Variants in ZC3H18 observed in about 807,000 individuals in gnomAD.
ZC3H18 encodes the protein zinc finger CCCH domain-containing protein 18.
A neutral mutation model predicts 106.1 loss-of-function variants in ZC3H18; 8 were observed. The observed-to-expected ratio is 0.08, with a 90% CI of 0.04 to 0.14. ZC3H18 has a LOEUF of 0.14. Among genes scored for constraint, ZC3H18 ranks in the 10% least tolerant of loss-of-function variants. The pLI is 1.00. For missense variants in ZC3H18, 1,318 were observed against 1,278.4 expected, an observed-to-expected ratio of 1.03 and a Z score of -0.47; for synonymous variants, 635 against 522.1, an observed-to-expected ratio of 1.22 and a Z score of -2.95.
At chr16:88,599,766 G>T in intron 5 of ZC3H18, 25 bp from the exon 6 acceptor site, 1 of 1,598,776 alleles carries the variant, frequency 6.3e-7, no homozygotes, top group South Asian at 1.1e-5. Context: ...GTTCCATGTT[G>T]ACTTCTTTCT....
intron 8 of ZC3H18, among the ~76,000 whole-genome samples, chr16:88,616,945 T>C (rs1401758219): frequency 2.0e-5 from 3 of 152,138 alleles, no homozygotes; most frequent in Non-Finnish European, 4.4e-5. Flanking sequence ...TAGCAGGCAC[T>C]TCACCACCCC....
At chr16:88,594,361 A>G (rs1300605344) in intron 3 of ZC3H18, among the ~76,000 whole-genome samples, 3 of 152,244 alleles carry the variant, frequency 2.0e-5, no homozygotes, top group African/African-American at 7.2e-5. Flanking sequence ...AATGACACAT[A>G]TAAACCAAGT....
chr16:88,585,078 TAA>T (rs1169709557), intron 2 of ZC3H18, among the ~76,000 whole-genome samples: 20 of 152,230 alleles, frequency 1.3e-4, no homozygotes, highest in Non-Finnish European at 2.8e-4. Context: ...AGACACAAAC[TAA>T]AAGACCAGAG....
At chr16:88,594,339 C>G (rs536683655) in intron 3 of ZC3H18, among the ~76,000 whole-genome samples, 1 of 152,092 alleles carries the variant, frequency 6.6e-6, no homozygotes, top group Non-Finnish European at 1.5e-5. Flanking sequence ...TAATATCGTA[C>G]GTATCAATAG....
At chr16:88,576,626 A>C (rs1914768759) in intron 1 of ZC3H18, among the ~76,000 whole-genome samples, 1 of 152,218 alleles carries the variant, frequency 6.6e-6, no homozygotes, top group Non-Finnish European at 1.5e-5. Context: ...AGACTTGGAC[A>C]CTGCCGAAGG....
chr16:88,598,881 C>T (rs933478386), intron 5 of ZC3H18, among the ~76,000 whole-genome samples, 169 bp downstream of exon 5: 1 of 152,170 alleles, frequency 6.6e-6, no homozygotes, highest in East Asian at 1.9e-4. Context: ...TTTTTGGAGA[C>T]AGAGTTTCAC....
At chr16:88,598,394 A>G in intron 4 of ZC3H18, 68 bp downstream of exon 4, 1 of 1,543,692 alleles carries the variant, frequency 6.5e-7, no homozygotes, top group Non-Finnish European at 8.7e-7. Context: ...TCTCAAGCTT[A>G]AGACAAGTCA....
At chr16:88,599,495 T>G (rs1460260398) in intron 5 of ZC3H18, among the ~76,000 whole-genome samples, 1 of 152,190 alleles carries the variant, frequency 6.6e-6, no homozygotes, top group African/African-American at 2.4e-5. Context: ...ACCTGCTGCT[T>G]GTCACTGAGT....
chr16:88,574,978 C>T (rs371217883), intron 1 of ZC3H18, among the ~76,000 whole-genome samples: 1 of 151,408 alleles, frequency 6.6e-6, no homozygotes, highest in African/African-American at 2.4e-5. Context: ...CACAGGCACC[C>T]GCCACCACAC....
At position 88,627,824 on chromosome 16, in the gene ZC3H18, G is replaced by C. The variant is rs754176852; in HGVS notation, c.2269+42G>C. The C allele has an allele frequency of 1.2e-6, 2 of 1,610,146 alleles. No individual in the cohort carries two copies. Among genetic ancestry groups the C allele is most frequent in the African/African-American group, 2.7e-5 (2 of 75,012 alleles). ...GTACCTTTGGGGAGCAGCTCCCGGG[G>C]GAGGAGGGCGGCATCAGCACAGACT... On this transcript the variant is annotated intron_variant, in intron 14 of 17. Coordinates refer to ENST00000301011, the MANE Select transcript of ZC3H18 (RefSeq NM_144604.4). The surrounding 1 kb of genome is among the most constrained non-coding windows in gnomAD (Gnocchi z 4.5).
chr16:88,588,769 A>C (rs763796187), intron 3 of ZC3H18, among the ~76,000 whole-genome samples: 1 of 152,104 alleles, frequency 6.6e-6, no homozygotes, highest in South Asian at 2.1e-4. Flanking sequence ...AGTCCCAGCT[A>C]CGTGGGGGGT....
intron 15 of ZC3H18, 48 bp downstream of exon 15, chr16:88,628,167 G>A (rs778806861): frequency 6.3e-7 from 1 of 1,592,510 alleles, no homozygotes. Flanking sequence ...CTAGGCCTGG[G>A]TCCATCTGCT....
chr16:88,608,233 G>A (rs753340921), intron 6 of ZC3H18, among the ~76,000 whole-genome samples: 10 of 152,240 alleles, frequency 6.6e-5, no homozygotes, highest in Non-Finnish European at 1.3e-4. Context: ...ACAGGGACAG[G>A]TGGTTGCGGA....
At chr16:88,587,549 G>T in intron 3 of ZC3H18, 9 of 1,536,058 alleles carry the variant, frequency 5.9e-6, no homozygotes, top group Non-Finnish European at 7.8e-6. Context: ...CAGATGTTGT[G>T]ACACCATTAT....
chr16:88,578,762 G>A (rs1914921208), intron 2 of ZC3H18, among the ~76,000 whole-genome samples: 1 of 152,118 alleles, frequency 6.6e-6, no homozygotes, highest in African/African-American at 2.4e-5. Context: ...CGCCATCTCA[G>A]CTCACTACAG....
In ZC3H18 at chr16:88,631,735, C is replaced by T. The variant is rs573681095; in HGVS notation, c.*436C>T. The T allele has an allele frequency of 2.5e-6, 1 of 401,334 alleles. No homozygotes were observed. Among genetic ancestry groups the T allele is most frequent in the Non-Finnish European group, 5.0e-6 (1 of 201,756 alleles). 24.9% of individuals were successfully genotyped at this position (401,334 alleles called of 1,614,324 possible). A position where few individuals can be genotyped will look rare whatever the true frequency, so the allele number is the denominator to read the frequency against. On this transcript the variant is annotated 3_prime_UTR_variant, in exon 18 of 18. Coordinates refer to ENST00000301011, the MANE Select transcript of ZC3H18 (RefSeq NM_144604.4). The stretch of plus-strand genomic sequence containing the variant: ...CTGGTGGCACATCCTTCTCCTCCCC[C>T]GCCCCTGATCACCCGCCCCCGGATC...
At chr16:88,583,096 C>G (rs1229385045) in intron 2 of ZC3H18, among the ~76,000 whole-genome samples, 1 of 152,256 alleles carries the variant, frequency 6.6e-6, no homozygotes, top group African/African-American at 2.4e-5. Flanking sequence ...CGGGGCCCGG[C>G]TGCTCGGCTT....
chr16:88,621,457 C>G (rs899210749), intron 8 of ZC3H18, among the ~76,000 whole-genome samples: 12 of 152,244 alleles, frequency 7.9e-5, no homozygotes, highest in African/African-American at 2.9e-4. Context: ...ATCTCTTGAC[C>G]TCGTGATTCG....
chr16:88,580,222 C>G (rs1297321506), intron 2 of ZC3H18, among the ~76,000 whole-genome samples: 7 of 146,970 alleles, frequency 4.8e-5, no homozygotes, highest in African/African-American at 1.5e-4. Flanking sequence ...ATGTATATGT[C>G]TCTGCCTGCT....
Sources: gnomAD v4.1 joint callset for allele counts (sites outside exome capture counted in the v4.1 genomes callset) on GRCh38, gnomAD v4.1.1 for gene constraint, Gnocchi (gnomAD v3.1) non-coding constraint, MANE v1.5 for transcripts, NCBI Gene and HGNC (gene_info 2026-07-23, HGNC 2026-07-21) for gene names.